Variants in SCN4A observed in about 807,000 individuals in gnomAD.
The protein encoded by SCN4A is sodium channel protein type 4 subunit alpha.
In SCN4A, 83 loss-of-function variants were observed where a neutral mutation model predicts 162.0. That is an observed-to-expected ratio of 0.51 (90% CI 0.43 to 0.61). SCN4A has a LOEUF of 0.61. Ranked by LOEUF, SCN4A falls within the 20% of genes least tolerant of loss-of-function variation. The probability of loss-of-function intolerance (pLI) is 0.00; values close to 1 mark genes in which losing one functional copy is unlikely to be tolerated. For synonymous variants in SCN4A, 944 were observed against 985.1 expected, an observed-to-expected ratio of 0.96 and a Z score of 0.78; for missense variants, 2,196 against 2,462.5, an observed-to-expected ratio of 0.89 and a Z score of 2.29.
chr17:63,954,992 T>G (rs1478591043), intron 13 of SCN4A, among the ~76,000 whole-genome samples: 1 of 152,138 alleles, frequency 6.6e-6, no homozygotes, highest in Non-Finnish European at 1.5e-5. Flanking sequence ...CCCTCACAGG[T>G]GGGCGTGAGG....
In SCN4A at chr17:63,972,229, G is replaced by T. The variant is rs958817327; in HGVS notation, c.393-4C>A. On this transcript the variant is annotated splice_polypyrimidine_tract_variant and splice_region_variant and intron_variant, in intron 2 of 23. Coordinates refer to ENST00000435607, the MANE Select transcript of SCN4A (RefSeq NM_000334.4). This position sits in a 1 kb window ranked among gnomAD's most constrained non-coding sequence, Gnocchi z 4.3. The stretch of plus-strand genomic sequence containing the variant: ...CATGATGAACATGCTGAACAGCGTG[G>T]GGCAGGGTCAAGGAAAGTGAGGAAG... 1.9e-6 allele frequency: 3 copies of T among 1,612,674 alleles called. No individual in the cohort carries two copies. The highest frequency in any genetic ancestry group is 1.7e-6 in the Non-Finnish European group (2 of 1,179,318).
chr17:63,942,815 GC>G lies in SCN4A; in HGVS notation c.4288+10del, dbSNP rs759273979. 1 of 1,611,144 alleles carries G rather than the reference GC, an allele frequency of 6.2e-7. No homozygotes were observed. Among genetic ancestry groups the G allele is most frequent in the Admixed American group, 1.7e-5 (1 of 59,902 alleles). ...CAGTGCTGCCCTGCCGGTCCAGCCC[GC>G]CCCGCTCACCCACAATGGACAGGAT... On this transcript the variant is annotated intron_variant, in intron 23 of 23. Transcript: ENST00000435607.
chr17:63,957,031 T>C, intron 13 of SCN4A, 131 bp downstream of exon 13: 1 of 630,258 alleles, frequency 1.6e-6, no homozygotes, highest in Non-Finnish European at 2.8e-6. Context: ...ATTTGAGAAC[T>C]ACGGGGTTAA....
chr17:63,968,434 G>T (rs1239629388), intron 5 of SCN4A, 79 bp from the exon 6 acceptor site: 2 of 1,190,326 alleles, frequency 1.7e-6, no homozygotes, highest in African/African-American at 1.5e-5. Context: ...CCACCGCCAA[G>T]CTTTTTCCTA....
At position 63,961,751 on chromosome 17, in the gene SCN4A, C is replaced by T. The variant is rs545212849; in HGVS notation, c.1607-320G>A. ...TACAGCCCCACCCCTGGAACCCCCGCGTCCTCAGCGCTCCGCCCTCTACTT... is the reference window on the plus strand; with the variant it reads ...TACAGCCCCACCCCTGGAACCCCCGTGTCCTCAGCGCTCCGCCCTCTACTT... On this transcript the variant is annotated intron_variant, in intron 10 of 23. Coordinates refer to ENST00000435607, the MANE Select transcript of SCN4A (RefSeq NM_000334.4). 19 of 352,966 alleles carry T rather than the reference C, an allele frequency of 5.4e-5. No individual in the cohort carries two copies. In the Admixed American group the frequency reaches 6.1e-4, roughly 11 times the overall value. The allele number at this position is 352,966 out of a possible 1,614,324, so 21.9% of individuals were successfully genotyped here. A position where few individuals can be genotyped will look rare whatever the true frequency, so the allele number is the denominator to read the frequency against.
intron 10 of SCN4A, among the ~76,000 whole-genome samples, chr17:63,963,101 C>T (rs944304372): frequency 5.9e-5 from 9 of 152,168 alleles, no homozygotes; most frequent in African/African-American, 1.9e-4. Context: ...TCCATCCATC[C>T]GTCCGTCCAT....
At chr17:63,953,425 G>A (rs1165554315) in intron 13 of SCN4A, among the ~76,000 whole-genome samples, 5 of 152,030 alleles carry the variant, frequency 3.3e-5, no homozygotes, top group Admixed American at 6.6e-5. Context: ...AGAGCACACA[G>A]TAGGCACTCA....
chr17:63,952,219 A>G (rs1326550003), intron 13 of SCN4A, among the ~76,000 whole-genome samples: 3 of 149,650 alleles, frequency 2.0e-5, no homozygotes. Flanking sequence ...TTCGAGATGG[A>G]GGAGTCTCCC....
intron 13 of SCN4A, among the ~76,000 whole-genome samples, chr17:63,955,634 A>AC (rs1256431993): frequency 1.3e-5 from 2 of 151,932 alleles, no homozygotes; most frequent in Admixed American, 1.3e-4. Context: ...AGACTCAGTC[A>AC]CCCCCAAGTC....
Position 63,943,757 on chromosome 17 carries a change from G to T in SCN4A, c.4006C>A (p.Pro1336Thr). 1 of 1,608,568 alleles carries T rather than the reference G, an allele frequency of 6.2e-7. No individual in the cohort carries two copies. Among genetic ancestry groups the T allele is most frequent in the East Asian group, 2.2e-5 (1 of 44,856 alleles). Residue 1336 changes from proline to threonine, a missense_variant, in exon 22 of 24, where the codon CCC becomes ACC. Coordinates refer to ENST00000435607, the MANE Select transcript of SCN4A (RefSeq NM_000334.4). ...CCAGAGGTCTGTACCTGGGGCCGGG[G>T]AATTGGCTTCTGAGGCTTCTTGGAG... ...LGSKKPQKPI[P>T]RPQNKIQGMV...
rs760934874 is a variant in SCN4A, at chr17:63,951,417, G to A, written c.2853+7C>T. On this transcript the variant is annotated splice_region_variant and intron_variant, in intron 14 of 23. Transcript: ENST00000435607. The surrounding 1 kb of genome is among the most constrained non-coding windows in gnomAD (Gnocchi z 4.5). Reference sequence around the variant, plus strand: ...CCGGGTCTGTCTGAGCCCCAGCCCCGGCTCACCTTGCTATCCTCAGGCTCT... The same window carrying A: ...CCGGGTCTGTCTGAGCCCCAGCCCCAGCTCACCTTGCTATCCTCAGGCTCT... 17 of 1,576,010 alleles carry A rather than the reference G, an allele frequency of 1.1e-5. No homozygotes were observed. The East Asian group carries it at 1.4e-4, about 13-fold the overall frequency.
At position 63,945,408 on chromosome 17, in the gene SCN4A, C is replaced by A. The variant is rs747924648; in HGVS notation, c.3672G>T (p.Lys1224Asn). 1.2e-6 allele frequency: 2 copies of A among 1,613,672 alleles called. No individual in the cohort carries two copies. Among genetic ancestry groups the A allele is most frequent in the African/African-American group, 1.3e-5 (1 of 74,908 alleles). Residue 1224 changes from lysine (K) to asparagine (N), a missense_variant, in exon 19 of 24, where the codon AAG (lysine) becomes AAT (asparagine). Lys to Asn is a moderately conservative substitution (Grantham distance 94). Transcript: ENST00000435607. This position sits in a 1 kb window ranked among gnomAD's most constrained non-coding sequence, Gnocchi z 4.4. ...CCAGACCCACGTTGTCGTAGTTGAC[C>A]TTGACATTGAGCCAGCGGACCTGGC... ...HTGQVRWLNV[K>N]VNYDNVGLGY...
chr17:63,945,669 TCTCCCAGCCTCTGAGAGAGGG>T lies in SCN4A; in HGVS notation c.3442-52_3442-32del. On this transcript the variant is annotated intron_variant, in intron 18 of 23. Coordinates refer to ENST00000435607, the MANE Select transcript of SCN4A (RefSeq NM_000334.4). This position sits in a 1 kb window ranked among gnomAD's most constrained non-coding sequence, Gnocchi z 4.4. ...GGCCAGGGGGTCCATTGCCAGTGCC[TCTCCCAGCCTCTGAGAGAGGG>T]CTCCACATCTCTACGCCACCCAGGG... 1 of 1,611,912 alleles carries T rather than the reference TCTCCCAGCCTCTGAGAGAGGG, an allele frequency of 6.2e-7. No individual in the cohort carries two copies.
chr17:63,946,976 C>G (rs1424453788), intron 18 of SCN4A, 69 bp downstream of exon 18: 1 of 1,427,620 alleles, frequency 7.0e-7, no homozygotes, highest in Non-Finnish European at 9.6e-7. Flanking sequence ...GACATGCACC[C>G]TCCACCCTGC....
rs1369459335 is a variant in SCN4A, at chr17:63,961,332, T to C, written c.1706A>G (p.Asn569Ser). Residue 569 changes from asparagine to serine, a missense_variant, in exon 11 of 24, where the codon AAC becomes AGC. Transcript: ENST00000435607. ...GTCCATGACGATCAGGTGGATGATG[T>C]TCTTGAACTTCAGCCACGGGGCGCA... ...NCCAPWLKFK[N>S]IIHLIVMDPF... The C allele has an allele frequency of 6.2e-7, 1 of 1,613,816 alleles. No individual in the cohort carries two copies. The highest frequency in any genetic ancestry group is 1.7e-5 in the Admixed American group (1 of 60,016).
In SCN4A at chr17:63,945,206, A is replaced by G; in HGVS notation, c.3721-146T>C. 1 of 1,015,212 alleles carries G rather than the reference A, an allele frequency of 9.9e-7. No individual in the cohort carries two copies. Among genetic ancestry groups the G allele is most frequent in the East Asian group, 2.5e-5 (1 of 39,490 alleles). The allele number at this position is 1,015,212 out of a possible 1,614,324, so 62.9% of individuals were successfully genotyped here. On this transcript the variant is annotated intron_variant, in intron 19 of 23. Transcript: ENST00000435607. This position sits in a 1 kb window ranked among gnomAD's most constrained non-coding sequence, Gnocchi z 4.4. ...TGGGCTAGCATCAAATAAAGACCAG[A>G]GAGGTCTAGACACTGCCTGGGGATC...
Position 63,949,468 on chromosome 17 carries a change from G to C in SCN4A, c.2914C>G (p.Pro972Ala). The C allele has an allele frequency of 1.2e-6, 2 of 1,612,134 alleles. No homozygotes were observed. Among genetic ancestry groups the C allele is most frequent in the East Asian group, 4.5e-5 (2 of 44,852 alleles). ...TGCTCCTCAGGGTCCTCCTCGGGGG[G>C]CTTGTAGTCAGCTGTGCTGCAGACG... Reference protein sequence around the residue: ...SSVCSTADYKPPEEDPEEQAE... With the variant: ...SSVCSTADYKAPEEDPEEQAE... The change falls in exon 15 of 24, where the codon CCC becomes GCC. Residue 972 changes from proline (P) to alanine (A), a missense_variant. Pro to Ala is a conservative substitution (Grantham distance 27). Coordinates refer to ENST00000435607, the MANE Select transcript of SCN4A (RefSeq NM_000334.4).
rs1351041628 is a variant in SCN4A, at chr17:63,942,937, T to G, written c.4177A>C (p.Ile1393Leu). The G allele has an allele frequency of 6.2e-7, 1 of 1,614,020 alleles. No individual in the cohort carries two copies. The highest frequency in any genetic ancestry group is 8.5e-7 in the Non-Finnish European group (1 of 1,179,882). The change falls in exon 23 of 24, where the codon ATC (isoleucine) becomes CTC (leucine). Residue 1393 changes from isoleucine to leucine, a missense_variant. By Grantham distance (5) the Ile-to-Leu change is conservative. Coordinates refer to ENST00000435607, the MANE Select transcript of SCN4A (RefSeq NM_000334.4). ...DILYNINMIF[I>L]IIFTGECVLK... ...ACGCACTCCCCTGTGAAGATGATGATGAAGATCATGTTGATGTTGTACAGG... is the reference window on the plus strand; with the variant it reads ...ACGCACTCCCCTGTGAAGATGATGAGGAAGATCATGTTGATGTTGTACAGG...
Position 63,951,537 on chromosome 17 carries a change from A to G in SCN4A, c.2740T>C (p.Phe914Leu). Residue 914 changes from phenylalanine (F) to leucine (L), a missense_variant, in exon 14 of 24, where the codon TTC (phenylalanine) becomes CTC (leucine). By Grantham distance (22) the Phe-to-Leu change is conservative. Coordinates refer to ENST00000435607, the MANE Select transcript of SCN4A (RefSeq NM_000334.4). This position sits in a 1 kb window ranked among gnomAD's most constrained non-coding sequence, Gnocchi z 4.5. Reference sequence around the variant, plus strand: ...ATGGTCAGGTAGGGGTTGTTGATGAAGTTAAGGTGGTCCAGCTCGAGGCTG... The same window carrying G: ...ATGGTCAGGTAGGGGTTGTTGATGAGGTTAAGGTGGTCCAGCTCGAGGCTG... The part of the protein sequence containing the change: ...PSSLELDHLN[F>L]INNPYLTIQV... 6.2e-7 allele frequency: 1 copy of G among 1,613,894 alleles called. No homozygotes were observed.
Sources: gnomAD v4.1 joint callset for allele counts (sites outside exome capture counted in the v4.1 genomes callset) on GRCh38, gnomAD v4.1.1 for gene constraint, Gnocchi (gnomAD v3.1) non-coding constraint, MANE v1.5 for transcripts, NCBI Gene and HGNC (gene_info 2026-07-23, HGNC 2026-07-21) for gene names.